TTC28: variants seen among roughly 807,000 people sequenced by gnomAD.
The protein encoded by TTC28 is tetratricopeptide repeat domain 28, also known as tetratricopeptide repeat protein 28.
In TTC28, 61 loss-of-function variants were observed where a neutral mutation model predicts 198.0. That is an observed-to-expected ratio of 0.31 (90% CI 0.25 to 0.38). The LOEUF (loss-of-function observed/expected upper bound fraction) is 0.38. Ranked by LOEUF, TTC28 falls within the 10% of genes least tolerant of loss-of-function variation. The pLI, the probability that TTC28 is intolerant of heterozygous loss-of-function variation, is 1.00. For synonymous variants in TTC28, 1,171 were observed against 1,297.8 expected, an observed-to-expected ratio of 0.90 and a Z score of 2.10; for missense variants, 2,678 against 3,164.0, an observed-to-expected ratio of 0.85 and a Z score of 3.69.
intron 2 of TTC28, among the ~76,000 whole-genome samples, chr22:28,606,750 T>A (rs752525645): frequency 6.6e-5 from 10 of 152,184 alleles, no homozygotes; most frequent in Non-Finnish European, 1.5e-4. Flanking sequence ...TGTCATAAAA[T>A]CATGTCTTTA....
intron 5 of TTC28, among the ~76,000 whole-genome samples, chr22:28,243,811 A>C (rs1301107512): frequency 6.6e-6 from 1 of 152,138 alleles, no homozygotes; most frequent in Non-Finnish European, 1.5e-5. Context: ...TAGAGAAATA[A>C]ATGTAGAATA....
intron 5 of TTC28, among the ~76,000 whole-genome samples, chr22:28,243,433 TC>T (rs945858002): frequency 6.6e-6 from 1 of 151,466 alleles, no homozygotes; most frequent in Non-Finnish European, 1.5e-5. Flanking sequence ...TTTTTTTTTT[TC>T]GTTTTTCTGT....
At chr22:28,167,719 G>A (rs1269914952) in intron 5 of TTC28, among the ~76,000 whole-genome samples, 1 of 152,154 alleles carries the variant, frequency 6.6e-6, no homozygotes, top group African/African-American at 2.4e-5. Flanking sequence ...ATATCATACT[G>A]AATGGCCAAA....
At chr22:28,371,881 C>CA (rs55908260) in intron 2 of TTC28, among the ~76,000 whole-genome samples, 2 of 147,560 alleles carry the variant, frequency 1.4e-5, no homozygotes, top group Middle Eastern at 3.5e-3. Flanking sequence ...CACCCAGCCC[C>CA]AAAAAAAAAA....
Position 27,981,804 on chromosome 22 carries a change from C to CTAT in TTC28, c.*414_*416dup, listed in dbSNP as rs1555898063. On this transcript the variant is annotated 3_prime_UTR_variant, in exon 23 of 23. Coordinates refer to ENST00000397906, the MANE Select transcript of TTC28 (RefSeq NM_001145418.2). Reference sequence around the variant, plus strand: ...GCAACCGAAAGCCTTAGAAAAAGCTCTATTTGTATTTCTGTGTATAAAAGG... The same window carrying CTAT: ...GCAACCGAAAGCCTTAGAAAAAGCTCTATTATTTGTATTTCTGTGTATAAAAGG... 1 of 160,626 alleles carries CTAT rather than the reference C, an allele frequency of 6.2e-6. No individual in the cohort carries two copies. The highest frequency in any genetic ancestry group is 1.8e-4 in the East Asian group (1 of 5,528). The allele number at this position is 160,626 out of a possible 1,614,324, so 10.0% of individuals were successfully genotyped here.
At chr22:28,103,457 C>G (rs1271363193) in intron 8 of TTC28, among the ~76,000 whole-genome samples, 1 of 152,200 alleles carries the variant, frequency 6.6e-6, no homozygotes, top group Non-Finnish European at 1.5e-5. Flanking sequence ...AGCCTCATCC[C>G]CTCAGAAAGC....
Position 28,266,779 on chromosome 22 carries a change from T to C in TTC28, c.933+29419A>G, listed in dbSNP as rs1365914529. Among the ~76,000 whole-genome samples, 7 of 152,204 alleles carry C rather than the reference T, an allele frequency of 4.6e-5. No homozygotes were observed. In the East Asian group the frequency reaches 1.2e-3, roughly 25 times the overall value. Reference sequence around the variant, plus strand: ...GCAAAAATAAATGTGTATGGCTTTATGCTACCCATATTTTGTGGTTATTTT... The same window carrying C: ...GCAAAAATAAATGTGTATGGCTTTACGCTACCCATATTTTGTGGTTATTTT... On this transcript the variant is annotated intron_variant, in intron 5 of 22. Coordinates refer to ENST00000397906, the MANE Select transcript of TTC28 (RefSeq NM_001145418.2).
At chr22:28,313,446 C>T (rs541418920) in intron 2 of TTC28, among the ~76,000 whole-genome samples, 8 of 152,202 alleles carry the variant, frequency 5.3e-5, no homozygotes, top group East Asian at 1.9e-4. Flanking sequence ...TGATGAACAT[C>T]GATGCGAAAA....
At chr22:28,610,966 A>C (rs2146148886) in intron 2 of TTC28, among the ~76,000 whole-genome samples, 1 of 152,234 alleles carries the variant, frequency 6.6e-6, no homozygotes, top group South Asian at 2.1e-4. Context: ...CGGAAGAAAA[A>C]ATATCAGAGA....
At chr22:27,984,893 G>A (rs1398436037) in intron 22 of TTC28, among the ~76,000 whole-genome samples, 1 of 152,170 alleles carries the variant, frequency 6.6e-6, no homozygotes, top group Non-Finnish European at 1.5e-5. Flanking sequence ...TGTCCCCAGG[G>A]CCTGGAAATC....
At chr22:28,318,273 G>A (rs2145840673) in intron 2 of TTC28, among the ~76,000 whole-genome samples, 2 of 152,130 alleles carry the variant, frequency 1.3e-5, no homozygotes, top group South Asian at 4.2e-4. Context: ...GTGAGAGAAT[G>A]TTAAGAAAAC....
intron 5 of TTC28, among the ~76,000 whole-genome samples, chr22:28,207,223 G>GA (rs367995993): frequency 0.083 from 6,539 of 78,592 alleles, 306 homozygotes; most frequent in East Asian, 0.24. Context: ...CTAAGCAGAT[G>GA]GAAAAAAAAA....
At chr22:28,365,603 C>T (rs539109838) in intron 2 of TTC28, among the ~76,000 whole-genome samples, 2 of 152,298 alleles carry the variant, frequency 1.3e-5, no homozygotes, top group African/African-American at 4.8e-5. Context: ...GGTTTAGAGG[C>T]TGTTTCTGCA....
intron 12 of TTC28, among the ~76,000 whole-genome samples, chr22:28,056,895 T>C (rs1288582916): frequency 6.6e-6 from 1 of 152,234 alleles, no homozygotes; most frequent in Non-Finnish European, 1.5e-5. Context: ...TCATATGGTA[T>C]ATGCTCTTCT....
intron 1 of TTC28, among the ~76,000 whole-genome samples, chr22:28,669,691 T>C (rs1312181793): frequency 6.6e-6 from 1 of 152,216 alleles, no homozygotes; most frequent in Non-Finnish European, 1.5e-5. Context: ...CCAATTTAAA[T>C]GTAAGTTCAA....
In TTC28 at chr22:28,107,132, A is replaced by G. The variant is rs1476990085; in HGVS notation, c.2713T>C (p.Ser905Pro). Residue 905 changes from serine (S) to proline (P), a missense_variant, in exon 7 of 23, where the codon TCT becomes CCT. By Grantham distance (74) the Ser-to-Pro change is moderately conservative. Around this residue, in one of 8 missense-constraint regions of TTC28, gnomAD observed 775 missense variants for 845.9 expected, o/e 0.92. Transcript: ENST00000397906. ...EAIKYYEQYL[S>P]VAQSLNRMQD... ...ATGCGATTCAGACTCTGCGCGACAG[A>G]TAAATATTGTTCATAGTATTTGATA... The G allele has an allele frequency of 6.4e-7, 1 of 1,551,714 alleles. No homozygotes were observed. The highest frequency in any genetic ancestry group is 8.7e-7 in the Non-Finnish European group (1 of 1,147,012).
chr22:28,144,265 C>T (rs2146996972), intron 6 of TTC28, among the ~76,000 whole-genome samples: 1 of 152,368 alleles, frequency 6.6e-6, no homozygotes, highest in South Asian at 2.1e-4. Flanking sequence ...AAACCAGGGC[C>T]TGTCTAATAC....
At chr22:28,304,209 C>A (rs762573970) in intron 3 of TTC28, among the ~76,000 whole-genome samples, 1 of 151,620 alleles carries the variant, frequency 6.6e-6, no homozygotes, top group African/African-American at 2.4e-5. Context: ...GGCGTGAACC[C>A]GGGAGGCGGA....
chr22:28,127,911 T>TTTG (rs1555919822), intron 6 of TTC28, among the ~76,000 whole-genome samples: 13 of 149,618 alleles, frequency 8.7e-5, no homozygotes, highest in African/African-American at 3.0e-4. Context: ...TTTTTTTTTT[T>TTTG]GGGGGTGGGA....
Sources: allele counts gnomAD v4.1 joint callset (sites outside exome capture counted in the v4.1 genomes callset), GRCh38; gene constraint gnomAD v4.1.1; regional missense constraint gnomAD v4.1.1; transcripts MANE v1.5; gene names NCBI Gene and HGNC (gene_info 2026-07-23, HGNC 2026-07-21).